The following RAB2A variants were observed in gnomAD, a reference collection of about 807,000 sequenced individuals.
RAB2A encodes the protein RAB2A, member RAS oncogene family, also known as ras-related protein Rab-2A.
Under a neutral mutation model 32.5 loss-of-function variants are expected in RAB2A, and 7 were observed. The observed-to-expected ratio is 0.22, with a 90% CI of 0.12 to 0.40. The LOEUF (loss-of-function observed/expected upper bound fraction) is 0.40, where lower values mean the gene tolerates loss of function less well. Among genes scored for constraint, RAB2A ranks in the 10% least tolerant of loss-of-function variants. The pLI, the probability that RAB2A is intolerant of heterozygous loss-of-function variation, is 1.00. For synonymous variants in RAB2A, 79 were observed against 85.2 expected (o/e 0.93, Z 0.40); for missense variants, 108 against 260.7 (o/e 0.41, Z 4.03).
chr8:60,604,891 G>A (rs960254945), intron 6 of RAB2A, among the ~76,000 whole-genome samples: 9 of 152,214 alleles, frequency 5.9e-5, no homozygotes, highest in Admixed American at 3.3e-4. Context: ...TCCATTTCAG[G>A]AGAGGAATTC....
intron 1 of RAB2A, among the ~76,000 whole-genome samples, chr8:60,523,558 T>A (rs1339887814): frequency 6.6e-6 from 1 of 152,238 alleles, no homozygotes; most frequent in Non-Finnish European, 1.5e-5. Flanking sequence ...TTGTATCACT[T>A]ATGGATTCCT....
At chr8:60,575,428 A>T (rs897567535) in intron 3 of RAB2A, among the ~76,000 whole-genome samples, 1 of 152,092 alleles carries the variant, frequency 6.6e-6, no homozygotes, top group Non-Finnish European at 1.5e-5. Flanking sequence ...CACTTAGTTT[A>T]TATCTGAGTG....
chr8:60,529,446 C>T (rs1807443259), intron 1 of RAB2A, among the ~76,000 whole-genome samples: 1 of 152,054 alleles, frequency 6.6e-6, no homozygotes, highest in African/African-American at 2.4e-5. Flanking sequence ...ATTATTTCTC[C>T]CCTCCCCGCG....
At position 60,605,710 on chromosome 8, in the gene RAB2A, C is replaced by CT. The variant is rs1226100708; in HGVS notation, c.475-12867dup. 7.7e-4 allele frequency among the ~76,000 whole-genome samples: 117 copies of CT among 151,986 alleles called. 1 individual carries two copies. The highest frequency in any genetic ancestry group is 2.7e-3 in the African/African-American group (112 of 41,372). On this transcript the variant is annotated intron_variant, in intron 6 of 7. Transcript: ENST00000262646. ...TGAACTTGTATGGCACCTATAGCCC[C>CT]TTTCTTTTGGCCAATTTTTCGTTTT...
chr8:60,550,015 A>T (rs1416780552), intron 1 of RAB2A, among the ~76,000 whole-genome samples: 1 of 152,088 alleles, frequency 6.6e-6, no homozygotes, highest in Non-Finnish European at 1.5e-5. Context: ...ATTCCTCTTT[A>T]CATGTGGCTT....
intron 2 of RAB2A, among the ~76,000 whole-genome samples, chr8:60,566,452 G>A (rs758906502): frequency 6.6e-6 from 1 of 151,896 alleles, no homozygotes; most frequent in Non-Finnish European, 1.5e-5. Flanking sequence ...ATTATTAAGG[G>A]ATAACTAGTT....
At chr8:60,598,845 AG>A (rs1375395344) in intron 6 of RAB2A, among the ~76,000 whole-genome samples, 1 of 149,182 alleles carries the variant, frequency 6.7e-6, no homozygotes, top group African/African-American at 2.4e-5. Flanking sequence ...AAAAGGTCGA[AG>A]GCCTTGTTCC....
At chr8:60,543,048 T>A (rs1034295660) in intron 1 of RAB2A, among the ~76,000 whole-genome samples, 1 of 152,234 alleles carries the variant, frequency 6.6e-6, no homozygotes, top group African/African-American at 2.4e-5. Flanking sequence ...ATATTTCTTG[T>A]GTTTGAGTAA....
chr8:60,569,821 G>C (rs1808170645), intron 2 of RAB2A: 5 of 363,464 alleles, frequency 1.4e-5, no homozygotes, highest in South Asian at 8.2e-5. Context: ...CAGCTGATCT[G>C]CTTAATTTGA....
chr8:60,586,392 AAGAGAG>A (rs55740409), intron 5 of RAB2A, among the ~76,000 whole-genome samples: 1 of 145,724 alleles, frequency 6.9e-6, no homozygotes, highest in Non-Finnish European at 1.5e-5. Context: ...TTAAAAAAAA[AAGAGAG>A]AGAGAAAACC....
intron 1 of RAB2A, among the ~76,000 whole-genome samples, chr8:60,549,250 G>A (rs1324091953): frequency 6.6e-6 from 1 of 152,252 alleles, no homozygotes; most frequent in Non-Finnish European, 1.5e-5. Flanking sequence ...CGGCCGGGCA[G>A]AGGCTGCAAT....
intron 1 of RAB2A, among the ~76,000 whole-genome samples, chr8:60,541,302 A>G (rs1807642003): frequency 6.6e-6 from 1 of 152,222 alleles, no homozygotes; most frequent in African/African-American, 2.4e-5. Context: ...AGAAGGCCTG[A>G]CAATTAAATG....
intron 1 of RAB2A, among the ~76,000 whole-genome samples, chr8:60,537,153 T>G (rs1807569991): frequency 6.6e-6 from 1 of 152,232 alleles, no homozygotes; most frequent in African/African-American, 2.4e-5. Context: ...GATTCATGTG[T>G]GTAAATGCAT....
intron 6 of RAB2A, among the ~76,000 whole-genome samples, chr8:60,596,026 A>G (rs1386787599): frequency 6.6e-6 from 1 of 152,242 alleles, no homozygotes; most frequent in East Asian, 1.9e-4. Flanking sequence ...CTGAATGAAA[A>G]TACAACATAC....
At chr8:60,593,981 G>A (rs1803982374) in intron 6 of RAB2A, among the ~76,000 whole-genome samples, 1 of 150,484 alleles carries the variant, frequency 6.6e-6, no homozygotes, top group Admixed American at 6.6e-5. Context: ...TTGTACACTA[G>A]AAAAAAAAAC....
At chr8:60,532,516 A>G (rs1185573557) in intron 1 of RAB2A, among the ~76,000 whole-genome samples, 1 of 150,418 alleles carries the variant, frequency 6.6e-6, no homozygotes, top group African/African-American at 2.4e-5. Flanking sequence ...AGCTACGTGG[A>G]TTTTTTTTTT....
rs1240117140 is a variant in RAB2A, at chr8:60,594,866, T to C, written c.474+2897T>C. On this transcript the variant is annotated intron_variant, in intron 6 of 7. Coordinates refer to ENST00000262646, the MANE Select transcript of RAB2A (RefSeq NM_002865.3). ...ATGGTGTATATGTGCCACATTTTCT[T>C]AATCCAGTCTACCATTGATGGACAT... is the stretch of plus-strand genomic sequence containing the variant. Among the ~76,000 whole-genome samples, 7 of 152,384 alleles carry C rather than the reference T, an allele frequency of 4.6e-5. No individual in the cohort carries two copies. The East Asian group carries it at 1.2e-3, about 25-fold the overall frequency.
chr8:60,518,693 G>A (rs1005740433), intron 1 of RAB2A, among the ~76,000 whole-genome samples: 4 of 150,332 alleles, frequency 2.7e-5, no homozygotes, highest in Non-Finnish European at 5.9e-5. Flanking sequence ...GTTTTCTGAT[G>A]CGTGCGTGCG....
intron 6 of RAB2A, among the ~76,000 whole-genome samples, chr8:60,599,158 T>G (rs1255990791): frequency 1.3e-5 from 2 of 151,710 alleles, no homozygotes; most frequent in Non-Finnish European, 2.9e-5. Context: ...ACACCAAAAC[T>G]CAAAATATAT....
Sources: gnomAD v4.1 joint callset for allele counts (sites outside exome capture counted in the v4.1 genomes callset) on GRCh38, gnomAD v4.1.1 for gene constraint, MANE v1.5 for transcripts, NCBI Gene and HGNC (gene_info 2026-07-23, HGNC 2026-07-21) for gene names.